KNOP1: variants seen among roughly 807,000 people sequenced by gnomAD.
The protein encoded by KNOP1 is lysine rich nucleolar protein 1, also known as lysine-rich nucleolar protein 1.
In KNOP1, 20 loss-of-function variants were observed where a neutral mutation model predicts 30.6. The observed-to-expected ratio is 0.65, with a 90% CI of 0.46 to 0.95. The LOEUF (loss-of-function observed/expected upper bound fraction) is 0.95. KNOP1 is among the 40% of genes least tolerant of loss of function. KNOP1 has a pLI of 0.00. For missense variants in KNOP1, 540 were observed against 562.0 expected, an observed-to-expected ratio of 0.96 and a Z score of 0.40; for synonymous variants, 204 against 210.0, an observed-to-expected ratio of 0.97 and a Z score of 0.25.
rs772982034 is a variant in KNOP1, at chr16:19,706,889, G to C, written c.*21C>G. 8 of 1,606,068 alleles carry C rather than the reference G, an allele frequency of 5.0e-6. No homozygotes were observed. Among genetic ancestry groups the C allele is most frequent in the Middle Eastern group, 2.3e-4 (1 of 4,442 alleles). The stretch of plus-strand genomic sequence containing the variant: ...TAATCAAAGCAATTGTGGCAGTTTT[G>C]GGGGGACAAAACTCTAGAGTTTAAT... On this transcript the variant is annotated 3_prime_UTR_variant, in exon 5 of 5. Transcript: ENST00000219837.
Position 19,707,147 on chromosome 16 carries a change from C to CTTAT in KNOP1, c.1139_1140insATAA (p.Met380IlefsTer2), listed in dbSNP as rs1409792898. The CTTAT allele has an allele frequency of 1.9e-6, 3 of 1,614,090 alleles. No individual in the cohort carries two copies. Among genetic ancestry groups the CTTAT allele is most frequent in the Non-Finnish European group, 2.5e-6 (3 of 1,180,006 alleles). On this transcript the variant is annotated stop_gained and frameshift_variant, in exon 5 of 5. Transcript: ENST00000219837. LOFTEE classifies it low-confidence loss of function (END_TRUNC). ...AAGGGGACAGGTTTTTGAAGCCACCCATAAGTCTGAGAAATTTCAGTTTTT... is the reference window on the plus strand; with the variant it reads ...AAGGGGACAGGTTTTTGAAGCCACCCTTATATAAGTCTGAGAAATTTCAGTTTTT...
In KNOP1 at chr16:19,704,274, A is replaced by C. The variant is rs1164161088; in HGVS notation, c.*2636T>G. 2 of 152,112 alleles carry C rather than the reference A, an allele frequency of 1.3e-5. No homozygotes were observed. Among genetic ancestry groups the C allele is most frequent in the African/African-American group, 4.8e-5 (2 of 41,388 alleles). 9.4% of individuals were successfully genotyped at this position (152,112 alleles called of 1,614,324 possible). Reference sequence around the variant, plus strand: ...GCTAATTTTTGTATTTTTAGTAGAGACGGGGTTTCACCATGTTGGTCAGGC... The same window carrying C: ...GCTAATTTTTGTATTTTTAGTAGAGCCGGGGTTTCACCATGTTGGTCAGGC... On this transcript the variant is annotated 3_prime_UTR_variant, in exon 5 of 5. Transcript: ENST00000219837.
At chr16:19,709,498 A>G (rs896742196) in intron 4 of KNOP1, among the ~76,000 whole-genome samples, 1 of 152,092 alleles carries the variant, frequency 6.6e-6, no homozygotes, top group African/African-American at 2.4e-5. Context: ...TGCCGAGTCA[A>G]TGCCCTCCAG....
At position 19,710,512 on chromosome 16, in the gene KNOP1, C is replaced by G. The variant is rs779494324; in HGVS notation, c.1062G>C (p.Trp354Cys). The G allele has an allele frequency of 2.5e-6, 4 of 1,612,974 alleles. No homozygotes were observed. Among genetic ancestry groups the G allele is most frequent in the Non-Finnish European group, 3.4e-6 (4 of 1,180,036 alleles). ...AGAGCCCTAGCCCCAAACTTACCGT[C>G]CACTTCCTGGTTTCAGAAGCTTCCG... ...GKTEASETRK[W>C]TGTQFGQWDT... Residue 354 changes from tryptophan (W) to cysteine (C), a missense_variant, in exon 4 of 5, where the codon TGG becomes TGC. Physicochemically the swap from Trp to Cys is radical, Grantham distance 215 (BLOSUM62 -2). Coordinates refer to ENST00000219837, the MANE Select transcript of KNOP1 (RefSeq NM_001012991.3).
At position 19,714,931 on chromosome 16, in the gene KNOP1, A is replaced by C. The variant is rs1281034326; in HGVS notation, c.105T>G (p.Asp35Glu). Residue 35 changes from aspartate to glutamate, a missense_variant, in exon 2 of 5, where the codon GAT becomes GAG. Coordinates refer to ENST00000219837, the MANE Select transcript of KNOP1 (RefSeq NM_001012991.3). ...AAGGAGAAACATCAGCAAAGTAATC[A>C]TCATTGTTTAAAACTGAGTATCGAG... ...PETRYSVLNN[D>E]DYFADVSPLR... 1 of 1,613,574 alleles carries C rather than the reference A, an allele frequency of 6.2e-7. No homozygotes were observed. Among genetic ancestry groups the C allele is most frequent in the Admixed American group, 1.7e-5 (1 of 59,892 alleles).
At chr16:19,715,492 G>C (rs1488134372) in intron 1 of KNOP1, 1 of 144,290 alleles carries the variant, frequency 6.9e-6, no homozygotes, top group Non-Finnish European at 1.5e-5. Flanking sequence ...TCGGCCCACT[G>C]CAACCTCCGT....
rs879898113 is a variant in KNOP1, at chr16:19,713,103, G to GT, written c.918+1014dup. Reference sequence around the variant, plus strand: ...ATACCCGCCCTGTCCTTCACCTCAAGTTTTTTTTTTTTGAGACAGTCCCGC... The same window carrying GT: ...ATACCCGCCCTGTCCTTCACCTCAAGTTTTTTTTTTTTTGAGACAGTCCCGC... On this transcript the variant is annotated intron_variant, in intron 2 of 4. Coordinates refer to ENST00000219837, the MANE Select transcript of KNOP1 (RefSeq NM_001012991.3). Among the ~76,000 whole-genome samples the GT allele has an allele frequency of 2.6e-3, 386 of 146,102 alleles. 1 individual carries two copies. Among genetic ancestry groups the GT allele is most frequent in the Middle Eastern group, 7.1e-3 (2 of 282 alleles).
rs1397999688 is a variant in KNOP1, at chr16:19,715,179, C to CA, written c.-2-143dup. 6 of 568,284 alleles carry CA rather than the reference C, an allele frequency of 1.1e-5. No individual in the cohort carries two copies. The East Asian group carries it at 1.5e-4, about 14-fold the overall frequency. The allele number at this position is 568,284 out of a possible 1,614,324, so 35.2% of individuals were successfully genotyped here. A position where few individuals can be genotyped will look rare whatever the true frequency, so the allele number is the denominator to read the frequency against. On this transcript the variant is annotated intron_variant, in intron 1 of 4. Transcript: ENST00000219837. ...GAAAATGGACATGATTCCTTTAAAG[C>CA]AAAAAAAGAAATACTACAGAAACAG...
intron 1 of KNOP1, chr16:19,717,947 G>T: frequency 8.2e-7 from 1 of 1,219,676 alleles, no homozygotes. Context: ...AACAGACTGG[G>T]AGGGATTACG....
chr16:19,714,718 G>T lies in KNOP1; in HGVS notation c.318C>A (p.His106Gln), dbSNP rs770063374. 9.5e-5 allele frequency: 153 copies of T among 1,614,092 alleles called. No individual in the cohort carries two copies. The highest frequency in any genetic ancestry group is 1.3e-4 in the Non-Finnish European group (148 of 1,180,048). Residue 106 changes from histidine to glutamine, a missense_variant, in exon 2 of 5, where the codon CAC becomes CAA. Coordinates refer to ENST00000219837, the MANE Select transcript of KNOP1 (RefSeq NM_001012991.3). ...TCTTTTCCCCACTGAGGAACTCCAA[G>T]TGGCCAAACACCTGCTTCCTGAGGC... ...SPSLRKQVFGHLEFLSGEKKN... is the reference protein window; with the variant it reads ...SPSLRKQVFGQLEFLSGEKKN...
intron 1 of KNOP1, 141 bp from the exon 2 acceptor site, chr16:19,715,178 G>A: frequency 1.8e-6 from 1 of 566,630 alleles, no homozygotes; most frequent in Non-Finnish European, 3.0e-6. Flanking sequence ...TTCCTTTAAA[G>A]CAAAAAAAGA....
At chr16:19,717,739 T>C in intron 1 of KNOP1, 2 of 988,864 alleles carry the variant, frequency 2.0e-6, no homozygotes, top group South Asian at 4.6e-5. Context: ...CCTCGCAAGC[T>C]CCAGAGACTA....
chr16:19,710,537 G>A lies in KNOP1; in HGVS notation c.1037C>T (p.Thr346Met), dbSNP rs79733132. The change falls in exon 4 of 5, where the codon ACG becomes ATG. Residue 346 changes from threonine (T) to methionine (M), a missense_variant. Physicochemically the swap from Thr to Met is moderately conservative, Grantham distance 81 (BLOSUM62 -1). Coordinates refer to ENST00000219837, the MANE Select transcript of KNOP1 (RefSeq NM_001012991.3). ...CCACTTCCTGGTTTCAGAAGCTTCC[G>A]TTTTGCCTGACTCGCGATCGATCTC... ...QEEIDRESGK[T>M]EASETRKWTG... 4.2e-4 allele frequency: 683 copies of A among 1,612,692 alleles called. 2 individuals carry two copies. In the East Asian group the frequency reaches 5.7e-3, roughly 13 times the overall value.
At position 19,705,388 on chromosome 16, in the gene KNOP1, G is replaced by A. The variant is rs1832635687; in HGVS notation, c.*1522C>T. The A allele has an allele frequency of 2.5e-6, 1 of 398,340 alleles. No individual in the cohort carries two copies. Among genetic ancestry groups the A allele is most frequent in the African/African-American group, 2.1e-5 (1 of 48,466 alleles). The allele number at this position is 398,340 out of a possible 1,614,324, so 24.7% of individuals were successfully genotyped here. A position where few individuals can be genotyped will look rare whatever the true frequency, so the allele number is the denominator to read the frequency against. ...CAAAAAGCTAGGTGAGTGGAAAGAA[G>A]GTGGTCACAGATGGTCACATGCGAC... is the stretch of plus-strand genomic sequence containing the variant. On this transcript the variant is annotated 3_prime_UTR_variant, in exon 5 of 5. Coordinates refer to ENST00000219837, the MANE Select transcript of KNOP1 (RefSeq NM_001012991.3).
rs76070632 is a variant in KNOP1 at position 19,705,486 on chromosome 16, G to A, written c.*1424C>T. ...GCTTGGAAACGCTGTCCCCACAGCC[G>A]ATGAGGCAACTTCCCGTGTCATCTC... is the stretch of plus-strand genomic sequence containing the variant. On this transcript the variant is annotated 3_prime_UTR_variant, in exon 5 of 5. Transcript: ENST00000219837. 8.3e-4 allele frequency: 263 copies of A among 316,440 alleles called. 2 individuals carry two copies. Among genetic ancestry groups the A allele is most frequent in the South Asian group, 6.8e-3 (256 of 37,466 alleles). The allele number at this position is 316,440 out of a possible 1,614,324, so 19.6% of individuals were successfully genotyped here. A position where few individuals can be genotyped will look rare whatever the true frequency, so the allele number is the denominator to read the frequency against.
Position 19,714,148 on chromosome 16 carries a change from C to T in KNOP1, c.888G>A (p.Glu296=). The T allele has an allele frequency of 1.2e-6, 2 of 1,613,152 alleles. No homozygotes were observed. The highest frequency in any genetic ancestry group is 1.1e-5 in the South Asian group (1 of 90,936). ...LKRKKKKKRK[E]SGVAGDPWKE... is the part of the protein sequence containing the mutation. ...TCCAAGGGTCTCCTGCTACCCCACT[C>T]TCTTTCCTCTTCTTCTTTTTCTTCC... Residue 296 remains glutamate (E), a synonymous_variant, in exon 2 of 5, where the codon GAG becomes GAA. Transcript: ENST00000219837.
rs762097623 is a variant in KNOP1, at chr16:19,714,978, T to C, written c.58A>G (p.Lys20Glu). The change falls in exon 2 of 5, where the codon AAA becomes GAA. Residue 20 changes from lysine (K) to glutamate (E), a missense_variant. Transcript: ENST00000219837. The part of the protein sequence containing the change: ...LGLPEKKKKK[K>E]VVKEPETRYS... ...CGAGTCTCTGGTTCTTTGACCACTTTCTTCTTCTTTTTCTTCTCTGGGAGC... is the reference window on the plus strand; with the variant it reads ...CGAGTCTCTGGTTCTTTGACCACTTCCTTCTTCTTTTTCTTCTCTGGGAGC... The C allele has an allele frequency of 3.1e-6, 5 of 1,592,932 alleles. No individual in the cohort carries two copies. The highest frequency in any genetic ancestry group is 4.3e-6 in the Non-Finnish European group (5 of 1,174,190).
At chr16:19,715,594 C>CT (rs918215695) in intron 1 of KNOP1, among the ~76,000 whole-genome samples, 2 of 149,946 alleles carry the variant, frequency 1.3e-5, no homozygotes, top group African/African-American at 2.4e-5. Flanking sequence ...TTTTTTTTTT[C>CT]TTTTTTAGGA....
intron 4 of KNOP1, 34 bp from the exon 5 acceptor site, chr16:19,707,255 TGAGTTCAAA>T: frequency 6.3e-7 from 1 of 1,583,264 alleles, no homozygotes; most frequent in Admixed American, 1.8e-5. Flanking sequence ...CTATTTTCCT[TGAGTTCAAA>T]GCCCTTTCCT....
Sources: gnomAD v4.1 joint callset for allele counts (sites outside exome capture counted in the v4.1 genomes callset) on GRCh38, gnomAD v4.1.1 for gene constraint, MANE v1.5 for transcripts, NCBI Gene and HGNC (gene_info 2026-07-23, HGNC 2026-07-21) for gene names.